Variants in WDR89 observed in about 807,000 individuals in gnomAD.
WDR89 encodes the protein WD repeat-containing protein 89.
WDR89 carries 17 observed loss-of-function variants against 29.1 expected under a neutral mutation model. The observed-to-expected ratio is 0.58, with a 90% CI of 0.40 to 0.88. The LOEUF is 0.88. Ranked by LOEUF, WDR89 falls within the 40% of genes least tolerant of loss-of-function variation. The pLI is 0.00. For missense variants in WDR89, 396 were observed against 456.3 expected, an observed-to-expected ratio of 0.87 and a Z score of 1.20; for synonymous variants, 138 against 157.8, an observed-to-expected ratio of 0.87 and a Z score of 0.94.
rs575917038 is a variant in WDR89, at chr14:63,603,498, C to G, written c.-31-3525G>C. Reference sequence around the variant, plus strand: ...CCTAAATCAATGATTATGCTAGAATCTGTAAAACAGTCCTTTTCTATCATT... The same window carrying G: ...CCTAAATCAATGATTATGCTAGAATGTGTAAAACAGTCCTTTTCTATCATT... On this transcript the variant is annotated intron_variant, in intron 2 of 2. Coordinates refer to ENST00000620954, the MANE Select transcript of WDR89 (RefSeq NM_080666.4). Among the ~76,000 whole-genome samples the G allele has an allele frequency of 1.2e-4, 18 of 152,324 alleles. No homozygotes were observed. The East Asian group carries it at 3.5e-3, about 29-fold the overall frequency.
chr14:63,635,451 GC>G, intron 1 of WDR89, among the ~76,000 whole-genome samples: 1 of 152,232 alleles, frequency 6.6e-6, no homozygotes, highest in South Asian at 2.1e-4. Flanking sequence ...AAAACTCTCA[GC>G]AAAATCAGCA....
At position 63,598,648 on chromosome 14, in the gene WDR89, C is replaced by T. The variant is rs1022581586; in HGVS notation, c.*131G>A. On this transcript the variant is annotated 3_prime_UTR_variant, in exon 3 of 3. Transcript: ENST00000620954. Reference sequence around the variant, plus strand: ...AAGACCGGAATTAAACCATTCTCACCATATTTTTCCAGGACTGTTTGCTAA... The same window carrying T: ...AAGACCGGAATTAAACCATTCTCACTATATTTTTCCAGGACTGTTTGCTAA... 2 of 761,332 alleles carry T rather than the reference C, an allele frequency of 2.6e-6. No homozygotes were observed. The highest frequency in any genetic ancestry group is 3.7e-5 in the Admixed American group (1 of 27,088). 47.2% of individuals were successfully genotyped at this position (761,332 alleles called of 1,614,324 possible).
chr14:63,621,840 C>T (rs1882712831), intron 2 of WDR89: 1 of 152,182 alleles, frequency 6.6e-6, no homozygotes, highest in Admixed American at 6.6e-5. Flanking sequence ...CACTCTTCCC[C>T]TCTTCTCACT....
intron 1 of WDR89, among the ~76,000 whole-genome samples, chr14:63,637,551 T>C (rs1324326477): frequency 6.6e-6 from 1 of 152,076 alleles, no homozygotes; most frequent in African/African-American, 2.4e-5. Flanking sequence ...GACACTGTGG[T>C]GGGTGTGTGT....
intron 1 of WDR89, among the ~76,000 whole-genome samples, chr14:63,627,142 ACACACACACTCTCTCTCTCTCTCT>A (rs1883116458): frequency 7.7e-6 from 1 of 130,030 alleles, no homozygotes; most frequent in Non-Finnish European, 1.6e-5. Context: ...ACACACACAC[ACACACACACTCTCTCTCTCTCTCT>A]CTCTCTCTCT....
At chr14:63,622,106 G>A (rs1463214136) in intron 2 of WDR89, among the ~76,000 whole-genome samples, 1 of 152,156 alleles carries the variant, frequency 6.6e-6, no homozygotes, top group East Asian at 1.9e-4. Context: ...GTAAAAACTA[G>A]TAATAACAAA....
rs946022179 is a variant in WDR89, at chr14:63,599,793, T to C, written c.150A>G (p.Gly50=). The change falls in exon 3 of 3, where the codon GGA becomes GGG. Residue 50 remains glycine (G), a synonymous_variant. Transcript: ENST00000620954. ...ENLVAVLCSN[G]SIRIYDKERL... ...TTTCTTTATCATATATTCTGATTGA[T>C]CCATTAGAACATAAAACAGCAACCA... is the stretch of plus-strand genomic sequence containing the variant. 50 of 1,614,012 alleles carry C rather than the reference T, an allele frequency of 3.1e-5. No homozygotes were observed. Among genetic ancestry groups the C allele is most frequent in the Non-Finnish European group, 4.1e-5 (48 of 1,180,030 alleles).
At chr14:63,629,841 C>G (rs528956837) in intron 1 of WDR89, among the ~76,000 whole-genome samples, 1 of 152,208 alleles carries the variant, frequency 6.6e-6, no homozygotes, top group South Asian at 2.1e-4. Context: ...CAGGGAATGA[C>G]TAAAGCAGTA....
At chr14:63,640,562 C>T (rs1343330351) in intron 1 of WDR89, among the ~76,000 whole-genome samples, 1 of 151,316 alleles carries the variant, frequency 6.6e-6, no homozygotes, top group Non-Finnish European at 1.5e-5. Flanking sequence ...GATCTTGGCT[C>T]ACTGCAACCT....
chr14:63,629,669 T>C (rs1368025612), intron 1 of WDR89, among the ~76,000 whole-genome samples: 2 of 152,132 alleles, frequency 1.3e-5, no homozygotes, highest in Non-Finnish European at 2.9e-5. Flanking sequence ...GATCATAATG[T>C]GTGATGTTGG....
At chr14:63,602,772 C>CCA (rs1555373772) in intron 2 of WDR89, among the ~76,000 whole-genome samples, 1 of 101,812 alleles carries the variant, frequency 9.8e-6, no homozygotes, top group African/African-American at 3.2e-5. Flanking sequence ...AACTCCATCT[C>CCA]AAAAAAAAAA....
At chr14:63,628,590 G>A (rs1883211834) in intron 1 of WDR89, among the ~76,000 whole-genome samples, 1 of 152,186 alleles carries the variant, frequency 6.6e-6, no homozygotes, top group Non-Finnish European at 1.5e-5. Flanking sequence ...AATTTAAAAA[G>A]TGAGCAATGC....
Position 63,599,488 on chromosome 14 carries a change from G to C in WDR89, c.455C>G (p.Ser152Cys). ...GTCTTTAGTTGTAGATAAATTCTGA[G>C]AATTCATCCTTGCATCCCAAAACAC... ...LLVFWDARMN[S>C]QNLSTTKDSL... The change falls in exon 3 of 3, where the codon TCT (serine) becomes TGT (cysteine). Residue 152 changes from serine to cysteine, a missense_variant. By Grantham distance (112) the Ser-to-Cys change is moderately radical. Transcript: ENST00000620954. 2 of 1,614,126 alleles carry C rather than the reference G, an allele frequency of 1.2e-6. No individual in the cohort carries two copies. The highest frequency in any genetic ancestry group is 1.7e-6 in the Non-Finnish European group (2 of 1,180,024).
chr14:63,615,605 T>C (rs1376745249), intron 2 of WDR89, among the ~76,000 whole-genome samples: 2 of 152,202 alleles, frequency 1.3e-5, no homozygotes, highest in African/African-American at 4.8e-5. Context: ...AAATCTGCTC[T>C]AAAGTTCTTA....
intron 2 of WDR89, among the ~76,000 whole-genome samples, chr14:63,603,286 C>A (rs887525500): frequency 6.6e-6 from 1 of 151,260 alleles, no homozygotes; most frequent in Non-Finnish European, 1.5e-5. Context: ...ACACACACAC[C>A]CCACTGCTTT....
In WDR89 at chr14:63,599,128, TC is replaced by T; in HGVS notation, c.814del (p.Asp272MetfsTer6). 16 of 1,613,998 alleles carry T rather than the reference TC, an allele frequency of 9.9e-6. No homozygotes were observed. Among genetic ancestry groups the T allele is most frequent in the Non-Finnish European group, 1.4e-5 (16 of 1,179,940 alleles). ...GCCACCAATCAAATAGTCCAAAGCA[TC>T]TTCTTTCATGTTAACTACTTCTCTG... ...DVREVVNMKE[D>X]ALDYLIGGLY... On this transcript the variant is annotated frameshift_variant, in exon 3 of 3. Transcript: ENST00000620954. LOFTEE classifies it high-confidence loss of function.
At position 63,599,247 on chromosome 14, in the gene WDR89, A is replaced by C. The variant is rs531940599; in HGVS notation, c.696T>G (p.Ile232Met). The stretch of plus-strand genomic sequence containing the variant: ...ATCCTTCATCATGTGTCATGCAGTA[A>C]ATCTGTTTATAACCTTTCCCAGACC... ...IGWSGKGYKQIYCMTHDEGFY... is the reference protein window; with the variant it reads ...IGWSGKGYKQMYCMTHDEGFY... The change falls in exon 3 of 3, where the codon ATT becomes ATG. Residue 232 changes from isoleucine (I) to methionine (M), a missense_variant. Transcript: ENST00000620954. 6.8e-6 allele frequency: 11 copies of C among 1,609,008 alleles called. No individual in the cohort carries two copies. Among genetic ancestry groups the C allele is most frequent in the East Asian group, 2.2e-5 (1 of 44,832 alleles).
intron 1 of WDR89, among the ~76,000 whole-genome samples, chr14:63,628,269 GTTTC>G (rs1173968926): frequency 6.6e-6 from 1 of 152,156 alleles, no homozygotes; most frequent in Non-Finnish European, 1.5e-5. Flanking sequence ...TAAAAACTTA[GTTTC>G]TTTTTTAGAA....
intron 1 of WDR89, among the ~76,000 whole-genome samples, chr14:63,628,612 G>C (rs1883213816): frequency 6.6e-6 from 1 of 152,160 alleles, no homozygotes; most frequent in Non-Finnish European, 1.5e-5. Flanking sequence ...AATCTCTGGA[G>C]AAGTAGCTGT....
Sources: gnomAD v4.1 joint callset for allele counts (sites outside exome capture counted in the v4.1 genomes callset) on GRCh38, gnomAD v4.1.1 for gene constraint, MANE v1.5 for transcripts, NCBI Gene and HGNC (gene_info 2026-07-23, HGNC 2026-07-21) for gene names.